The following PCDHGA1 variants were observed in gnomAD, a reference collection of about 807,000 sequenced individuals.
PCDHGA1 encodes protocadherin gamma subfamily A, 1.
In PCDHGA1, 32 loss-of-function variants were observed where a neutral mutation model predicts 58.0. The ratio of observed to expected loss-of-function variants is 0.55; its 90% CI spans 0.42 to 0.74. PCDHGA1 has a LOEUF of 0.74. Among genes scored for constraint, PCDHGA1 ranks in the 30% least tolerant of loss-of-function variants. The pLI, the probability that PCDHGA1 is intolerant of heterozygous loss-of-function variation, is 0.00. For synonymous variants in PCDHGA1, 498 were observed against 501.1 expected (o/e 0.99, Z 0.08); for missense variants, 1,205 against 1,182.3 (o/e 1.02, Z -0.28).
At chr5:141,439,029 G>A (rs2098083069) in intron 1 of PCDHGA1, among the ~76,000 whole-genome samples, 1 of 151,510 alleles carries the variant, frequency 6.6e-6, no homozygotes, top group Non-Finnish European at 1.5e-5. Flanking sequence ...GAAAATAGAT[G>A]CCTCAGTTCA....
At chr5:141,364,427 T>C (rs372052970) in intron 1 of PCDHGA1, 20 of 1,613,650 alleles carry the variant, frequency 1.2e-5, no homozygotes, top group Non-Finnish European at 1.7e-5. Flanking sequence ...GCAGATCCGC[T>C]ACTCGATGCC....
rs1253890351 is a variant in PCDHGA1, at chr5:141,372,427, G to T, written c.2421+39322G>T. The T allele has an allele frequency of 3.1e-6, 5 of 1,613,872 alleles. No homozygotes were observed. Among genetic ancestry groups the T allele is most frequent in the East Asian group, 2.2e-5 (1 of 44,888 alleles). On this transcript the variant is annotated intron_variant, in intron 1 of 3. Coordinates refer to ENST00000517417, the MANE Select transcript of PCDHGA1 (RefSeq NM_018912.3). ...GAGATACAACCTGACCTTAGCGACC[G>T]CCCCACTCCCTCTGACCCTCAGGCG...
chr5:141,358,915 G>A (rs28587232), intron 1 of PCDHGA1, among the ~76,000 whole-genome samples: 3,974 of 152,296 alleles, frequency 0.026, 167 homozygotes, highest in African/African-American at 0.091. Context: ...AATATTTTGT[G>A]TGTAGGGGAT....
chr5:141,394,941 G>C lies in PCDHGA1; in HGVS notation c.2421+61836G>C, dbSNP rs1238884149. The C allele has an allele frequency of 3.1e-6, 5 of 1,613,748 alleles. No individual in the cohort carries two copies. The East Asian group carries it at 1.1e-4, about 36-fold the overall frequency. On this transcript the variant is annotated intron_variant, in intron 1 of 3. Coordinates refer to ENST00000517417, the MANE Select transcript of PCDHGA1 (RefSeq NM_018912.3). Reference sequence around the variant, plus strand: ...CTGTGTCTTCCTCGCCTTTGTCGCTGTGCTTCTGGGGCTCAGGCTGAGGCG... The same window carrying C: ...CTGTGTCTTCCTCGCCTTTGTCGCTCTGCTTCTGGGGCTCAGGCTGAGGCG...
chr5:141,439,176 T>C (rs1044289122), intron 1 of PCDHGA1, among the ~76,000 whole-genome samples: 3 of 146,068 alleles, frequency 2.1e-5, no homozygotes, highest in African/African-American at 7.8e-5. Context: ...CTGGGCGACA[T>C]AGTGAGACTC....
rs774456704 is a variant in PCDHGA1, at chr5:141,390,013, C to T, written c.2421+56908C>T. On this transcript the variant is annotated intron_variant, in intron 1 of 3. Coordinates refer to ENST00000517417, the MANE Select transcript of PCDHGA1 (RefSeq NM_018912.3). ...CTCGTGGCCATGATTCTGGCCATTG[C>T]CTTGCGCCTGCGACGCTCCTCCAGC... 1.3e-4 allele frequency: 202 copies of T among 1,613,936 alleles called. No homozygotes were observed. The highest frequency in any genetic ancestry group is 1.6e-4 in the Non-Finnish European group (192 of 1,179,918).
intron 1 of PCDHGA1, among the ~76,000 whole-genome samples, chr5:141,455,286 T>G (rs889792228): frequency 6.6e-6 from 1 of 152,176 alleles, no homozygotes; most frequent in African/African-American, 2.4e-5. Flanking sequence ...AACATCACTT[T>G]ACATAGTTTC....
At chr5:141,464,759 ACAGG>A (rs2099090169) in intron 1 of PCDHGA1, among the ~76,000 whole-genome samples, 1 of 152,158 alleles carries the variant, frequency 6.6e-6, no homozygotes, top group Non-Finnish European at 1.5e-5. Context: ...TTTTTTAGAG[ACAGG>A]AATCTTGTTC....
intron 1 of PCDHGA1, among the ~76,000 whole-genome samples, chr5:141,479,060 T>G (rs980468382): frequency 5.9e-5 from 9 of 152,248 alleles, no homozygotes; most frequent in Non-Finnish European, 1.3e-4. Context: ...CAGATAATTT[T>G]TTATGAATGA....
chr5:141,358,269 CT>C (rs1760870849), intron 1 of PCDHGA1, among the ~76,000 whole-genome samples: 1 of 152,132 alleles, frequency 6.6e-6, no homozygotes, highest in Non-Finnish European at 1.5e-5. Context: ...TACAAGAGAC[CT>C]GTAAAATAGA....
intron 1 of PCDHGA1, chr5:141,390,321 C>G: frequency 6.2e-7 from 1 of 1,607,082 alleles, no homozygotes; most frequent in Non-Finnish European, 8.5e-7. Flanking sequence ...TCATTGCCTA[C>G]CCATTTCTCC....
At chr5:141,357,359 A>C (rs775884751) in intron 1 of PCDHGA1, 1 of 1,614,134 alleles carries the variant, frequency 6.2e-7, no homozygotes, top group South Asian at 1.1e-5. Flanking sequence ...AGACGCTGGC[A>C]CAAGTCACGC....
chr5:141,418,069 G>T, intron 1 of PCDHGA1: 4 of 1,614,042 alleles, frequency 2.5e-6, no homozygotes, highest in South Asian at 2.2e-5. Flanking sequence ...GAGTGAGCGC[G>T]GAGAAGCTGC....
chr5:141,423,706 A>C (rs1045905298), intron 1 of PCDHGA1: 1 of 1,231,762 alleles, frequency 8.1e-7, no homozygotes, highest in Admixed American at 3.4e-5. Context: ...TCTTGGCACA[A>C]GTCTTTTAAG....
At position 141,476,980 on chromosome 5, in the gene PCDHGA1, C is replaced by T; in HGVS notation, c.2422-17827C>T. 6.2e-7 allele frequency: 1 copy of T among 1,614,232 alleles called. No individual in the cohort carries two copies. Among genetic ancestry groups the T allele is most frequent in the Non-Finnish European group, 8.5e-7 (1 of 1,180,044 alleles). On this transcript the variant is annotated intron_variant, in intron 1 of 3. Coordinates refer to ENST00000517417, the MANE Select transcript of PCDHGA1 (RefSeq NM_018912.3). This position sits in a 1 kb window ranked among gnomAD's most constrained non-coding sequence, Gnocchi z 7.6. Reference sequence around the variant, plus strand: ...TTTACTCCTTCGGCAGCCACAACCGCGCCGGCGTGCGGCAACTATTCGCCT... The same window carrying T: ...TTTACTCCTTCGGCAGCCACAACCGTGCCGGCGTGCGGCAACTATTCGCCT...
intron 1 of PCDHGA1, chr5:141,343,337 T>C: frequency 1.0e-6 from 1 of 981,986 alleles, no homozygotes; most frequent in Non-Finnish European, 1.2e-6. Context: ...TTTTTTTCCT[T>C]GTCTCAGCTC....
chr5:141,422,842 G>A (rs756990417), intron 1 of PCDHGA1: 5 of 1,614,228 alleles, frequency 3.1e-6, no homozygotes, highest in South Asian at 1.1e-5. Flanking sequence ...ACGTGACAGC[G>A]GGGACCCGCC....
chr5:141,339,875 A>G (rs1756885903), intron 1 of PCDHGA1: 1 of 1,614,172 alleles, frequency 6.2e-7, no homozygotes, highest in Non-Finnish European at 8.5e-7. Flanking sequence ...TGGAGAACTG[A>G]CAATCATAAA....
At chr5:141,453,495 C>T (rs1490576605) in intron 1 of PCDHGA1, among the ~76,000 whole-genome samples, 1 of 151,968 alleles carries the variant, frequency 6.6e-6, no homozygotes, top group Admixed American at 6.6e-5. Flanking sequence ...AAAAGGTGTA[C>T]TCAGAAAATT....
Sources: gnomAD v4.1 joint callset for allele counts (sites outside exome capture counted in the v4.1 genomes callset) on GRCh38, gnomAD v4.1.1 for gene constraint, Gnocchi (gnomAD v3.1) non-coding constraint, MANE v1.5 for transcripts, NCBI Gene and HGNC (gene_info 2026-07-23, HGNC 2026-07-21) for gene names.